FXYD6: variants seen among roughly 807,000 people sequenced by gnomAD.
The protein encoded by FXYD6 is FXYD domain-containing ion transport regulator 6.
Under a neutral mutation model 16.7 loss-of-function variants are expected in FXYD6, and 7 were observed. The observed-to-expected ratio is 0.42, with a 90% CI of 0.24 to 0.79. The LOEUF (loss-of-function observed/expected upper bound fraction) is 0.79. FXYD6 is among the 30% of genes least tolerant of loss of function. The pLI is 0.28. For missense variants in FXYD6, 111 were observed against 116.2 expected (o/e 0.95, Z 0.21); for synonymous variants, 49 against 43.0 (o/e 1.14, Z -0.54).
intron 1 of FXYD6, among the ~76,000 whole-genome samples, chr11:117,863,864 T>A (rs570086007): frequency 1.3e-5 from 2 of 152,212 alleles, no homozygotes; most frequent in Admixed American, 1.3e-4. Flanking sequence ...CATATCATAA[T>A]ATCAAAAAGA....
intron 1 of FXYD6, among the ~76,000 whole-genome samples, chr11:117,848,891 A>G (rs1390037966): frequency 6.6e-6 from 1 of 152,112 alleles, no homozygotes; most frequent in Non-Finnish European, 1.5e-5. Flanking sequence ...AGGTTTAACG[A>G]TGCTTATAGT....
chr11:117,858,672 TTTCTTTCTTTC>T, intron 1 of FXYD6, among the ~76,000 whole-genome samples: 1 of 86,126 alleles, frequency 1.2e-5, no homozygotes, highest in Non-Finnish European at 2.1e-5. Flanking sequence ...TCTTTCTTTC[TTTCTTTCTTTC>T]TTTCTTTCTT....
chr11:117,845,568 G>T (rs940809317), intron 1 of FXYD6, among the ~76,000 whole-genome samples: 3 of 152,128 alleles, frequency 2.0e-5, no homozygotes, highest in Non-Finnish European at 4.4e-5. Context: ...TTTCAGTGTG[G>T]TGTAATATTC....
At position 117,858,973 on chromosome 11, in the gene FXYD6, G is replaced by A. The variant is rs138489771; in HGVS notation, c.-5-16192C>T. Among the ~76,000 whole-genome samples, 2,664 of 151,830 alleles carry A rather than the reference G, an allele frequency of 0.018. 221 individuals are homozygous for A. The East Asian group carries it at 0.22, about 13-fold the overall frequency. ...GTATTTTTAGTAGAGACGGGGTTTC[G>A]CCATATTGGCCAGGGTGGTCTCCAA... On this transcript the variant is annotated intron_variant, in intron 1 of 7. Transcript: ENST00000526014.
chr11:117,841,068 A>T, intron 5 of FXYD6, 80 bp downstream of exon 5: 1 of 1,576,496 alleles, frequency 6.3e-7, no homozygotes. Context: ...GAGAATGCCC[A>T]TTTGGGGGTC....
At chr11:117,858,810 T>C (rs1353217162) in intron 1 of FXYD6, among the ~76,000 whole-genome samples, 1 of 149,376 alleles carries the variant, frequency 6.7e-6, no homozygotes. Context: ...AGTCTCGCTC[T>C]GTCACCAGGC....
intron 1 of FXYD6, among the ~76,000 whole-genome samples, chr11:117,846,609 T>C (rs142746892): frequency 1.3e-5 from 2 of 152,212 alleles, no homozygotes; most frequent in Admixed American, 6.5e-5. Flanking sequence ...TGTAACCTGG[T>C]TCCAGGGGCA....
chr11:117,853,042 T>G (rs2056644200), intron 1 of FXYD6, among the ~76,000 whole-genome samples: 1 of 152,246 alleles, frequency 6.6e-6, no homozygotes, highest in East Asian at 1.9e-4. Context: ...CATCTCTTAT[T>G]CTTTCAACAT....
intron 1 of FXYD6, among the ~76,000 whole-genome samples, chr11:117,871,652 A>G (rs899321312): frequency 6.6e-5 from 10 of 152,188 alleles, no homozygotes; most frequent in African/African-American, 2.4e-4. Context: ...AACAATAATA[A>G]TGCCATTCTA....
intron 1 of FXYD6, among the ~76,000 whole-genome samples, chr11:117,861,762 A>G (rs1290156242): frequency 6.6e-6 from 1 of 152,100 alleles, no homozygotes; most frequent in Non-Finnish European, 1.5e-5. Flanking sequence ...TTGTCCTCCA[A>G]CCACTGGAAG....
chr11:117,853,560 C>A (rs960042062), intron 1 of FXYD6, among the ~76,000 whole-genome samples: 7 of 152,318 alleles, frequency 4.6e-5, no homozygotes, highest in Non-Finnish European at 1.0e-4. Context: ...TATAGTGGCA[C>A]AATCTCGGCT....
In FXYD6 at chr11:117,853,808, G is replaced by A. The variant is rs1473701727; in HGVS notation, c.-5-11027C>T. Among the ~76,000 whole-genome samples the A allele has an allele frequency of 3.3e-5, 5 of 152,118 alleles. No individual in the cohort carries two copies. The East Asian group carries it at 9.6e-4, about 29-fold the overall frequency. On this transcript the variant is annotated intron_variant, in intron 1 of 7. Transcript: ENST00000526014. ...ATGCCTGGCCCAGTTATCTCATGGG[G>A]TTTTTGTTTTGTTTTGTCTTTTTGG...
chr11:117,847,306 T>C (rs1354905079), intron 1 of FXYD6, among the ~76,000 whole-genome samples: 1 of 152,174 alleles, frequency 6.6e-6, no homozygotes, highest in Non-Finnish European at 1.5e-5. Flanking sequence ...AATGATATTG[T>C]TCCTTCTTTC....
At chr11:117,869,176 G>C (rs1235241180) in intron 1 of FXYD6, 2 of 152,278 alleles carry the variant, frequency 1.3e-5, no homozygotes, top group East Asian at 3.8e-4. Context: ...CCAGAGAGGA[G>C]TCGAGGAGGA....
chr11:117,876,239 A>C (rs1325814309), intron 1 of FXYD6, among the ~76,000 whole-genome samples: 2 of 151,706 alleles, frequency 1.3e-5, no homozygotes, highest in Non-Finnish European at 2.9e-5. Context: ...CAAAGGGAAA[A>C]CTCCTCATGG....
chr11:117,840,760 C>G (rs562763049), intron 5 of FXYD6, among the ~76,000 whole-genome samples: 1 of 152,198 alleles, frequency 6.6e-6, no homozygotes, highest in South Asian at 2.1e-4. Flanking sequence ...CAAAGAGCCT[C>G]ATGAACAGGT....
intron 1 of FXYD6, among the ~76,000 whole-genome samples, chr11:117,858,676 TTTC>T: frequency 1.1e-5 from 1 of 87,442 alleles, no homozygotes; most frequent in Non-Finnish European, 2.1e-5. Context: ...TCTTTCTTTC[TTTC>T]TTTCTTTCTT....
At chr11:117,853,674 TAG>T (rs918947905) in intron 1 of FXYD6, among the ~76,000 whole-genome samples, 5 of 152,136 alleles carry the variant, frequency 3.3e-5, no homozygotes, top group African/African-American at 1.2e-4. Context: ...GTATTTTTAG[TAG>T]AGACAGGGTT....
At chr11:117,841,121 C>A (rs2276034) in intron 5 of FXYD6, 27 bp downstream of exon 5, 39 of 1,613,972 alleles carry the variant, frequency 2.4e-5, no homozygotes, top group East Asian at 6.7e-5. Context: ...TATCACCCCC[C>A]CAAGGCCACT....
Sources: gnomAD v4.1 joint callset for allele counts (sites outside exome capture counted in the v4.1 genomes callset) on GRCh38, gnomAD v4.1.1 for gene constraint, MANE v1.5 for transcripts, NCBI Gene and HGNC (gene_info 2026-07-23, HGNC 2026-07-21) for gene names.